The following ASTN2 variants were observed in gnomAD, a reference collection of about 807,000 sequenced individuals.
ASTN2 encodes astrotactin 2, also known as astrotactin-2.
A neutral mutation model predicts 139.8 loss-of-function variants in ASTN2; 54 were observed. The observed-to-expected ratio is 0.39, with a 90% CI of 0.31 to 0.48. ASTN2 has a LOEUF of 0.48. Among genes scored for constraint, ASTN2 ranks in the 20% least tolerant of loss-of-function variants. The pLI is 0.95. For synonymous variants in ASTN2, 756 were observed against 719.5 expected (o/e 1.05, Z -0.81); for missense variants, 1,565 against 1,725.1 (o/e 0.91, Z 1.64).
chr9:116,934,608 C>G (rs551129704), intron 10 of ASTN2, among the ~76,000 whole-genome samples: 1 of 152,066 alleles, frequency 6.6e-6, no homozygotes, highest in Non-Finnish European at 1.5e-5. Flanking sequence ...ACACTGAGGC[C>G]TTTCAGGGAG....
chr9:116,961,424 T>A (rs1384104088), intron 10 of ASTN2, among the ~76,000 whole-genome samples: 1 of 152,204 alleles, frequency 6.6e-6, no homozygotes, highest in Non-Finnish European at 1.5e-5. Flanking sequence ...TCTGTTTCTA[T>A]GATTTTGGCT....
At chr9:116,833,085 A>G (rs1308527371) in intron 11 of ASTN2, among the ~76,000 whole-genome samples, 1 of 152,084 alleles carries the variant, frequency 6.6e-6, no homozygotes, top group Non-Finnish European at 1.5e-5. Context: ...AATTTCCTTA[A>G]TAGTTATAGG....
At chr9:116,798,668 C>G (rs1009542412) in intron 13 of ASTN2, among the ~76,000 whole-genome samples, 1 of 152,166 alleles carries the variant, frequency 6.6e-6, no homozygotes, top group African/African-American at 2.4e-5. Flanking sequence ...TTTGAGATAG[C>G]AATGGGACTT....
intron 1 of ASTN2, among the ~76,000 whole-genome samples, chr9:117,358,261 G>GACACAC (rs67475291): frequency 8.9e-5 from 13 of 146,892 alleles, no homozygotes; most frequent in African/African-American, 2.3e-4. Context: ...TACATGTGCA[G>GACACAC]ACACACACAC....
At chr9:117,142,284 A>C (rs754424770) in intron 3 of ASTN2, among the ~76,000 whole-genome samples, 9 of 152,198 alleles carry the variant, frequency 5.9e-5, no homozygotes, top group Non-Finnish European at 1.3e-4. Context: ...TCACTAACTA[A>C]AGTATGGAGA....
At chr9:117,285,807 C>T (rs182989658) in intron 2 of ASTN2, among the ~76,000 whole-genome samples, 2 of 152,320 alleles carry the variant, frequency 1.3e-5, no homozygotes, top group Non-Finnish European at 2.9e-5. Context: ...AATCCTGAAT[C>T]CTCCCTCATT....
At chr9:116,676,972 G>C (rs1316852308) in intron 16 of ASTN2, among the ~76,000 whole-genome samples, 3 of 152,164 alleles carry the variant, frequency 2.0e-5, no homozygotes, top group Non-Finnish European at 4.4e-5. Context: ...AGTTACCTTT[G>C]GTAAAGTTTA....
intron 20 of ASTN2, among the ~76,000 whole-genome samples, chr9:116,472,464 A>G (rs1201731053): frequency 6.6e-6 from 1 of 152,198 alleles, no homozygotes; most frequent in Non-Finnish European, 1.5e-5. Flanking sequence ...CAATATGATT[A>G]GCTGCTTAAA....
At chr9:116,823,905 C>T (rs1048938152) in intron 11 of ASTN2, among the ~76,000 whole-genome samples, 1 of 152,112 alleles carries the variant, frequency 6.6e-6, no homozygotes, top group Non-Finnish European at 1.5e-5. Context: ...ATCTAGCCAT[C>T]GTTTGAAATT....
intron 20 of ASTN2, among the ~76,000 whole-genome samples, chr9:116,457,095 T>C (rs768499757): frequency 4.0e-5 from 6 of 151,480 alleles, no homozygotes; most frequent in Admixed American, 1.3e-4. Context: ...AGAACACACA[T>C]TGGGGAAGGA....
chr9:117,163,453 G>C (rs1362880328), intron 3 of ASTN2, among the ~76,000 whole-genome samples: 1 of 152,068 alleles, frequency 6.6e-6, no homozygotes, highest in East Asian at 1.9e-4. Context: ...GAGTAAAGAT[G>C]CTTTGTGACT....
intron 16 of ASTN2, among the ~76,000 whole-genome samples, chr9:116,697,118 A>C (rs1860901026): frequency 6.6e-6 from 1 of 152,026 alleles, no homozygotes; most frequent in Non-Finnish European, 1.5e-5. Context: ...CATCCACTGT[A>C]CTCCAGCAGA....
chr9:117,345,364 C>A (rs1322310909), intron 1 of ASTN2, among the ~76,000 whole-genome samples: 1 of 152,124 alleles, frequency 6.6e-6, no homozygotes, highest in East Asian at 1.9e-4. Context: ...CAGATGTAAA[C>A]AAGTATGAAT....
At chr9:116,498,440 A>G (rs1849742406) in intron 19 of ASTN2, among the ~76,000 whole-genome samples, 1 of 152,062 alleles carries the variant, frequency 6.6e-6, no homozygotes, top group Admixed American at 6.5e-5. Context: ...AAAAAACAAA[A>G]AACAAAAAAC....
intron 3 of ASTN2, among the ~76,000 whole-genome samples, chr9:117,156,152 G>A (rs768287167): frequency 6.6e-6 from 1 of 152,004 alleles, no homozygotes; most frequent in African/African-American, 2.4e-5. Context: ...TTTAACATGT[G>A]TATTGCTATA....
chr9:116,783,334 T>TTCCC (rs1389179779), intron 13 of ASTN2, among the ~76,000 whole-genome samples: 2 of 110,348 alleles, frequency 1.8e-5, no homozygotes, highest in Non-Finnish European at 3.5e-5. Flanking sequence ...CTATCTCTCT[T>TTCCC]TCCCTCCCTC....
chr9:117,016,699 T>A (rs1279709606), intron 6 of ASTN2, among the ~76,000 whole-genome samples: 4 of 142,914 alleles, frequency 2.8e-5, no homozygotes, highest in South Asian at 2.1e-4. Context: ...ATATATATGT[T>A]ACATATATAT....
chr9:116,831,841 T>C (rs1306993326), intron 11 of ASTN2, among the ~76,000 whole-genome samples: 1 of 152,166 alleles, frequency 6.6e-6, no homozygotes, highest in East Asian at 1.9e-4. Flanking sequence ...ATTAAACCTT[T>C]ATATCAATTC....
At chr9:117,057,701 C>T (rs1839102545) in intron 5 of ASTN2, among the ~76,000 whole-genome samples, 2 of 152,154 alleles carry the variant, frequency 1.3e-5, no homozygotes, top group Non-Finnish European at 1.5e-5. Flanking sequence ...TTTCGATCAT[C>T]GACTAGACCA....
Sources: allele counts gnomAD v4.1 joint callset (sites outside exome capture counted in the v4.1 genomes callset), GRCh38; gene constraint gnomAD v4.1.1; transcripts MANE v1.5; gene names NCBI Gene and HGNC (gene_info 2026-07-23, HGNC 2026-07-21).